The following VPS35 variants were observed in gnomAD, a reference collection of about 807,000 sequenced individuals.
VPS35 encodes vacuolar protein sorting-associated protein 35.
VPS35 carries 21 observed loss-of-function variants against 98.1 expected under a neutral mutation model. The observed-to-expected ratio is 0.21, with a 90% CI of 0.15 to 0.31. The LOEUF is 0.31. VPS35 is among the 10% of genes least tolerant of loss of function. The pLI is 1.00. For synonymous variants in VPS35, 268 were observed against 318.2 expected (o/e 0.84, Z 1.68); for missense variants, 554 against 950.8 (o/e 0.58, Z 5.49).
At chr16:46,688,946 G>T in intron 1 of VPS35, 185 bp downstream of exon 1, 1 of 1,487,904 alleles carries the variant, frequency 6.7e-7, no homozygotes, top group East Asian at 2.5e-5. Flanking sequence ...CGCCCACCCC[G>T]GCCCGGATCA....
At chr16:46,663,862 ATTTTTTTTTTTTTT>A (rs546485076) in intron 13 of VPS35, among the ~76,000 whole-genome samples, 22 of 28,676 alleles carry the variant, frequency 7.7e-4, no homozygotes, top group South Asian at 3.8e-3. Context: ...CACCTGGCTA[ATTTTTTTTTTTTTT>A]TTTTTTTTTT....
At chr16:46,684,252 A>G (rs1175865411) in intron 1 of VPS35, among the ~76,000 whole-genome samples, 2 of 152,218 alleles carry the variant, frequency 1.3e-5, no homozygotes, top group African/African-American at 2.4e-5. Context: ...ATCTTGTGAT[A>G]GGTATAGCCG....
chr16:46,688,702 G>A, intron 1 of VPS35: 11 of 1,132,122 alleles, frequency 9.7e-6, no homozygotes, highest in Non-Finnish European at 1.2e-5. Flanking sequence ...TAGGCACAAA[G>A]GTAGAAACGC....
Position 46,669,000 on chromosome 16 carries a change from C to G in VPS35, c.1577G>C (p.Arg526Pro). 6.2e-7 allele frequency: 1 copy of G among 1,614,104 alleles called. No homozygotes were observed. Among genetic ancestry groups the G allele is most frequent in the East Asian group, 2.2e-5 (1 of 44,872 alleles). Reference protein sequence around the residue: ...HFGAGGNQRIRFTLPPLVFAA... With the variant: ...HFGAGGNQRIPFTLPPLVFAA... ...AAATACCAAAGGTGGCAGTGTGAAG[C>G]GAATCCGCTGATTTCCACCAGCTCC... The change falls in exon 13 of 17, where the codon CGC (arginine) becomes CCC (proline). Residue 526 changes from arginine (R) to proline (P), a missense_variant. Arg to Pro is a moderately radical substitution (Grantham distance 103). Transcript: ENST00000299138.
In VPS35 at chr16:46,661,301, C is replaced by T. The variant is rs943579990; in HGVS notation, c.2211+417G>A. 2.0e-5 allele frequency among the ~76,000 whole-genome samples: 3 copies of T among 152,228 alleles called. No homozygotes were observed. The highest frequency in any genetic ancestry group is 4.4e-5 in the Non-Finnish European group (3 of 68,038). On this transcript the variant is annotated intron_variant, in intron 16 of 16. Transcript: ENST00000299138. This position sits in a 1 kb window ranked among gnomAD's most constrained non-coding sequence, Gnocchi z 4.3. ...CAGGAGTGCAATGGCACAGTCTTGG[C>T]TCACTGCAGCCTCCACCTCCCAGGT...
chr16:46,689,152 G>T lies in VPS35; in HGVS notation c.-19C>A, dbSNP rs573920049. 9 of 1,607,226 alleles carry T rather than the reference G, an allele frequency of 5.6e-6. No homozygotes were observed. The African/African-American group carries it at 1.1e-4, about 19-fold the overall frequency. On this transcript the variant is annotated 5_prime_UTR_variant, in exon 1 of 17. Coordinates refer to ENST00000299138, the MANE Select transcript of VPS35 (RefSeq NM_018206.6). ...TCACCATGGCGACTCCCCAGAGCCT[G>T]CAGCAAGCAGCACCCGCCCCGCGCG...
At chr16:46,675,745 T>C (rs1966139744) in intron 8 of VPS35, among the ~76,000 whole-genome samples, 1 of 152,196 alleles carries the variant, frequency 6.6e-6, no homozygotes, top group Non-Finnish European at 1.5e-5. Flanking sequence ...AGACATCATA[T>C]ACTACTACAT....
In VPS35 at chr16:46,681,279, G is replaced by A. The variant is rs700581; in HGVS notation, c.323+98C>T. 1,521,963 of 1,526,216 alleles carry A rather than the reference G, an allele frequency of 1. 758,930 individuals are homozygous for A. The highest frequency in any genetic ancestry group is 1 in the East Asian group (44,102 of 44,102). The allele number at this position is 1,526,216 out of a possible 1,614,324, so 94.5% of individuals were successfully genotyped here. On this transcript the variant is annotated intron_variant, in intron 4 of 16. Transcript: ENST00000299138. ...AATGTTCATCTCAATTTGTTAAGAAGTTACCCTTAAAACTTTTTCTTAAGC... is the reference window on the plus strand; with the variant it reads ...AATGTTCATCTCAATTTGTTAAGAAATTACCCTTAAAACTTTTTCTTAAGC...
chr16:46,674,345 C>T lies in VPS35; in HGVS notation c.1129G>A (p.Val377Met). 1 of 1,614,080 alleles carries T rather than the reference C, an allele frequency of 6.2e-7. No individual in the cohort carries two copies. Among genetic ancestry groups the T allele is most frequent in the Non-Finnish European group, 8.5e-7 (1 of 1,180,010 alleles). The change falls in exon 10 of 17, where the codon GTG (valine) becomes ATG (methionine). Residue 377 changes from valine to methionine, a missense_variant. Physicochemically the swap from Val to Met is conservative, Grantham distance 21. Transcript: ENST00000299138. ...DYVDKVLETTVEIFNKLNLEH... is the reference protein window; with the variant it reads ...DYVDKVLETTMEIFNKLNLEH... ...AGGTTGAGCTTATTGAATATCTCCACTGTTGTTTCTAGAACTTTATCAACA... is the reference window on the plus strand; with the variant it reads ...AGGTTGAGCTTATTGAATATCTCCATTGTTGTTTCTAGAACTTTATCAACA...
In VPS35 at chr16:46,658,698, C is replaced by T. The variant is rs1965864844; in HGVS notation, c.*1774G>A. 1 of 152,338 alleles carries T rather than the reference C, an allele frequency of 6.6e-6. No homozygotes were observed. Among genetic ancestry groups the T allele is most frequent in the South Asian group, 2.1e-4 (1 of 4,822 alleles). 9.4% of individuals were successfully genotyped at this position (152,338 alleles called of 1,614,324 possible). On this transcript the variant is annotated 3_prime_UTR_variant, in exon 17 of 17. Transcript: ENST00000299138. ...TTTATACGGGGTAAACTAACACCTA[C>T]AAAGAACAGAAAGGGTTTGCTGGAC...
intron 13 of VPS35, among the ~76,000 whole-genome samples, chr16:46,665,982 C>T (rs982112980): frequency 3.9e-5 from 6 of 152,134 alleles, no homozygotes; most frequent in African/African-American, 1.4e-4. Flanking sequence ...CAGCTTACTG[C>T]AACCTCTGCC....
rs1596707386 is a variant in VPS35 at position 46,659,529 on chromosome 16, G to A, written c.*943C>T. The A allele has an allele frequency of 6.6e-6, 1 of 152,320 alleles. No individual in the cohort carries two copies. Among genetic ancestry groups the A allele is most frequent in the East Asian group, 1.9e-4 (1 of 5,190 alleles). The allele number at this position is 152,320 out of a possible 1,614,324, so 9.4% of individuals were successfully genotyped here. ...AAAAGGGGTATAAATGACTAAAAGA[G>A]TAGATGCTGCCTTGTTCAACAAGTG... On this transcript the variant is annotated 3_prime_UTR_variant, in exon 17 of 17. Transcript: ENST00000299138.
chr16:46,668,645 T>C (rs1383131987), intron 13 of VPS35, among the ~76,000 whole-genome samples: 1 of 152,182 alleles, frequency 6.6e-6, no homozygotes, highest in African/African-American at 2.4e-5. Context: ...AAAGCTAACC[T>C]GAATTAGAAC....
intron 16 of VPS35, 39 bp from the exon 17 acceptor site, chr16:46,660,690 A>T (rs1011955634): frequency 2.5e-6 from 4 of 1,586,840 alleles, no homozygotes; most frequent in Non-Finnish European, 3.4e-6. Context: ...TCAAGCACGT[A>T]CCACAAAAAA....
rs1966028672 is a variant in VPS35, at chr16:46,668,970, G to C, written c.1607C>G (p.Ala536Gly). ...RFTLPPLVFA[A>G]YQLAFRYKEN... ...TTTATATCGAAAAGCCAGCTGGTAA[G>C]CTGCAAATACCAAAGGTGGCAGTGT... Residue 536 changes from alanine (A) to glycine (G), a missense_variant, in exon 13 of 17, where the codon GCT becomes GGT. Around this residue, in one of 5 missense-constraint regions of VPS35, gnomAD observed 254 missense variants for 390.1 expected, o/e 0.65. Transcript: ENST00000299138. The C allele has an allele frequency of 6.2e-7, 1 of 1,614,136 alleles. No individual in the cohort carries two copies. Among genetic ancestry groups the C allele is most frequent in the African/African-American group, 1.3e-5 (1 of 75,052 alleles).
chr16:46,663,535 C>T (rs1339558462), intron 13 of VPS35, among the ~76,000 whole-genome samples: 1 of 152,030 alleles, frequency 6.6e-6, no homozygotes, highest in Admixed American at 6.6e-5. Flanking sequence ...GTGCCCACCA[C>T]CACACCCAGC....
chr16:46,686,564 G>A (rs1304248660), intron 1 of VPS35, among the ~76,000 whole-genome samples: 2 of 152,170 alleles, frequency 1.3e-5, no homozygotes, highest in African/African-American at 4.8e-5. Flanking sequence ...AAGACATAAA[G>A]CTATAGTAAA....
intron 13 of VPS35, among the ~76,000 whole-genome samples, chr16:46,668,271 T>C (rs904210178): frequency 6.6e-6 from 1 of 152,164 alleles, no homozygotes; most frequent in African/African-American, 2.4e-5. Flanking sequence ...GGTGCACACC[T>C]GTAATCCCAG....
chr16:46,683,451 C>CA (rs1475681936), intron 2 of VPS35, 57 bp downstream of exon 2: 1 of 1,506,584 alleles, frequency 6.6e-7, no homozygotes, highest in African/African-American at 1.4e-5. Flanking sequence ...AGACACTGCA[C>CA]ATGCTTCCTT....
Sources: gnomAD v4.1 joint callset for allele counts (sites outside exome capture counted in the v4.1 genomes callset) on GRCh38, gnomAD v4.1.1 for gene constraint, gnomAD v4.1.1 regional missense constraint, Gnocchi (gnomAD v3.1) non-coding constraint, MANE v1.5 for transcripts, NCBI Gene and HGNC (gene_info 2026-07-23, HGNC 2026-07-21) for gene names.